FANCM: variants seen among roughly 807,000 people sequenced by gnomAD.
FANCM encodes FA complementation group M.
A neutral mutation model predicts 199.5 loss-of-function variants in FANCM; 140 were observed. The observed-to-expected ratio is 0.70, with a 90% CI of 0.61 to 0.81. FANCM has a LOEUF of 0.81. FANCM is among the 30% of genes least tolerant of loss of function. The pLI is 0.00. For synonymous variants in FANCM, 840 were observed against 836.8 expected (o/e 1.00, Z -0.07); for missense variants, 2,410 against 2,421.4 (o/e 1.00, Z 0.10).
chr14:45,157,354 A>T (rs1484366513), intron 8 of FANCM, among the ~76,000 whole-genome samples: 1 of 152,212 alleles, frequency 6.6e-6, no homozygotes, highest in East Asian at 1.9e-4. Context: ...TTATCAGGAC[A>T]ACAGTTTAGA....
intron 5 of FANCM, 132 bp downstream of exon 5, chr14:45,151,660 G>T: frequency 1.2e-6 from 1 of 813,664 alleles, no homozygotes; most frequent in South Asian, 1.5e-5. Context: ...CACAGTGGCT[G>T]ATGCCTGTAA....
At position 45,159,223 on chromosome 14, in the gene FANCM, T is replaced by C. The variant is rs1887407227; in HGVS notation, c.1524T>C (p.Phe508=). The C allele has an allele frequency of 1.2e-6, 2 of 1,614,058 alleles. No individual in the cohort carries two copies. The highest frequency in any genetic ancestry group is 1.7e-4 in the Middle Eastern group (1 of 6,060). ...QHQPIIRVMT[F]VGHASGKSTK... ...AGCCAATTATTAGAGTAATGACTTT[T>C]GTCGGCCATGCCTCAGGGAAAAGCA... Residue 508 remains phenylalanine, a synonymous_variant, in exon 9 of 23, where the codon TTT becomes TTC. Transcript: ENST00000267430.
rs1327499238 is a variant in FANCM, at chr14:45,189,330, A to G, written c.5308A>G (p.Lys1770Glu). 2 of 1,613,684 alleles carry G rather than the reference A, an allele frequency of 1.2e-6. No homozygotes were observed. The highest frequency in any genetic ancestry group is 1.3e-5 in the African/African-American group (1 of 74,938). Residue 1770 changes from lysine to glutamate, a missense_variant, in exon 20 of 23, where the codon AAA becomes GAA. Physicochemically the swap from Lys to Glu is moderately conservative, Grantham distance 56. Transcript: ENST00000267430. ...ACCCTTCACTACTGTTGATTCACAG[A>G]AAGACTGTAGAAAATTTCCAGTTCC... ...TPPFTTVDSQKDCRKFPVPQK... is the reference protein window; with the variant it reads ...TPPFTTVDSQEDCRKFPVPQK...
At chr14:45,149,359 A>C (rs1886660246) in intron 4 of FANCM, among the ~76,000 whole-genome samples, 1 of 152,158 alleles carries the variant, frequency 6.6e-6, no homozygotes, top group African/African-American at 2.4e-5. Flanking sequence ...GAATTTTCAC[A>C]AATTGCACAC....
chr14:45,175,975 T>C lies in FANCM; in HGVS notation c.3221T>C (p.Ile1074Thr), dbSNP rs774399423. Residue 1074 changes from isoleucine to threonine, a missense_variant, in exon 14 of 23, where the codon ATT becomes ACT. By Grantham distance (89) the Ile-to-Thr change is moderately conservative (BLOSUM62 -1). Coordinates refer to ENST00000267430, the MANE Select transcript of FANCM (RefSeq NM_020937.4). ...SCLYDIPNDN[I>T]SDEPSLCDCD... ...CTTTATGATATACCTAATGATAATATTTCTGATGAGCCAAGTCTCTGTGAC... is the reference window on the plus strand; with the variant it reads ...CTTTATGATATACCTAATGATAATACTTCTGATGAGCCAAGTCTCTGTGAC... 7 of 1,613,588 alleles carry C rather than the reference T, an allele frequency of 4.3e-6. No individual in the cohort carries two copies. The highest frequency in any genetic ancestry group is 2.7e-5 in the African/African-American group (2 of 74,920).
At chr14:45,163,517 T>G (rs1325686433) in intron 9 of FANCM, among the ~76,000 whole-genome samples, 1 of 152,220 alleles carries the variant, frequency 6.6e-6, no homozygotes. Context: ...TAAGGGACTT[T>G]CATTAACTTT....
intron 18 of FANCM, among the ~76,000 whole-genome samples, chr14:45,186,838 A>G (rs1889432161): frequency 6.6e-6 from 1 of 152,230 alleles, no homozygotes; most frequent in Admixed American, 6.5e-5. Flanking sequence ...ACTAGCAGCC[A>G]GATCATAATC....
At chr14:45,174,778 A>G (rs1206128885) in intron 13 of FANCM, among the ~76,000 whole-genome samples, 2 of 152,150 alleles carry the variant, frequency 1.3e-5, no homozygotes, top group Non-Finnish European at 1.5e-5. Flanking sequence ...AAAACTCACT[A>G]TATTCTTATG....
chr14:45,167,079 A>G lies in FANCM; in HGVS notation c.1918A>G (p.Met640Val), dbSNP rs1888032290. 1.2e-6 allele frequency: 2 copies of G among 1,613,512 alleles called. No homozygotes were observed. The highest frequency in any genetic ancestry group is 1.3e-5 in the African/African-American group (1 of 74,906). Reference sequence around the variant, plus strand: ...TGGAATCAACCCAAAATTACACAAAATGTTCATCACACATGGTGTCTATGA... The same window carrying G: ...TGGAATCAACCCAAAATTACACAAAGTGTTCATCACACATGGTGTCTATGA... ...PDGINPKLHKMFITHGVYEPE... is the reference protein window; with the variant it reads ...PDGINPKLHKVFITHGVYEPE... The change falls in exon 11 of 23, where the codon ATG becomes GTG. Residue 640 changes from methionine to valine, a missense_variant. Met to Val is a conservative substitution (Grantham distance 21). Transcript: ENST00000267430.
At chr14:45,169,382 T>TG (rs1487245049) in intron 11 of FANCM, among the ~76,000 whole-genome samples, 1 of 145,648 alleles carries the variant, frequency 6.9e-6, no homozygotes, top group African/African-American at 2.6e-5. Flanking sequence ...TTTATTTATT[T>TG]GTTTTTTTTT....
At chr14:45,149,265 A>G (rs1050149722) in intron 4 of FANCM, among the ~76,000 whole-genome samples, 1 of 151,644 alleles carries the variant, frequency 6.6e-6, no homozygotes, top group African/African-American at 2.4e-5. Flanking sequence ...AGTAAACCTT[A>G]TAACTGGAAT....
chr14:45,164,130 G>C (rs1887794009), intron 9 of FANCM, among the ~76,000 whole-genome samples: 1 of 152,056 alleles, frequency 6.6e-6, no homozygotes, highest in Non-Finnish European at 1.5e-5. Context: ...ATTTTTCGTA[G>C]AGACAGGGTT....
intron 2 of FANCM, among the ~76,000 whole-genome samples, chr14:45,139,627 A>C (rs1017608565): frequency 6.6e-6 from 1 of 152,194 alleles, no homozygotes; most frequent in Non-Finnish European, 1.5e-5. Context: ...TTTAAAAGGA[A>C]ATTTAGATTT....
At chr14:45,155,626 C>A (rs1887131100) in intron 8 of FANCM, among the ~76,000 whole-genome samples, 167 bp downstream of exon 8, 1 of 152,088 alleles carries the variant, frequency 6.6e-6, no homozygotes. Context: ...TGGTAAAACC[C>A]CGTCTCTACT....
At chr14:45,158,780 T>G (rs1387000069) in intron 8 of FANCM, among the ~76,000 whole-genome samples, 1 of 152,144 alleles carries the variant, frequency 6.6e-6, no homozygotes, top group African/African-American at 2.4e-5. Flanking sequence ...TTATTAAAAT[T>G]AATAGAGAAT....
intron 10 of FANCM, among the ~76,000 whole-genome samples, chr14:45,165,637 G>A (rs920091895): frequency 9.2e-5 from 14 of 152,126 alleles, no homozygotes; most frequent in African/African-American, 3.1e-4. Flanking sequence ...TACTTTTCAT[G>A]TGATTATAGC....
rs1203090548 is a variant in FANCM, at chr14:45,196,523, G to A, written c.5692G>A (p.Val1898Met). Reference protein sequence around the residue: ...QSMFERICVIVEKDREKTGDT... With the variant: ...QSMFERICVIMEKDREKTGDT... ...TATGTTTGAAAGAATATGTGTGATT[G>A]TGGAAAAGGACAGAGAAAAAACAGG... is the stretch of plus-strand genomic sequence containing the variant. Residue 1898 changes from valine to methionine, a missense_variant, in exon 21 of 23, where the codon GTG (valine) becomes ATG (methionine). Val to Met is a conservative substitution (Grantham distance 21, BLOSUM62 1). Transcript: ENST00000267430. 4.3e-6 allele frequency: 7 copies of A among 1,613,836 alleles called. No homozygotes were observed. The highest frequency in any genetic ancestry group is 5.1e-6 in the Non-Finnish European group (6 of 1,179,982).
chr14:45,192,678 A>C (rs1889838395), intron 20 of FANCM, among the ~76,000 whole-genome samples: 1 of 151,950 alleles, frequency 6.6e-6, no homozygotes, highest in African/African-American at 2.4e-5. Context: ...GCAACAAAAA[A>C]ATTAGCCTGG....
intron 4 of FANCM, among the ~76,000 whole-genome samples, chr14:45,149,652 G>A (rs1227643010): frequency 6.6e-6 from 1 of 152,106 alleles, no homozygotes; most frequent in Non-Finnish European, 1.5e-5. Context: ...ACAGGTGTAA[G>A]CCACCATGCG....
Sources: gnomAD v4.1 joint callset for allele counts (sites outside exome capture counted in the v4.1 genomes callset) on GRCh38, gnomAD v4.1.1 for gene constraint, MANE v1.5 for transcripts, NCBI Gene and HGNC (gene_info 2026-07-23, HGNC 2026-07-21) for gene names.